MEF2D: variants seen among roughly 807,000 people sequenced by gnomAD.
MEF2D encodes myocyte-specific enhancer factor 2D.
A neutral mutation model predicts 59.3 loss-of-function variants in MEF2D; 10 were observed. The observed-to-expected ratio is 0.17, with a 90% CI of 0.10 to 0.29. MEF2D has a LOEUF of 0.29. Ranked by LOEUF, MEF2D falls within the 10% of genes least tolerant of loss-of-function variation. The probability of loss-of-function intolerance (pLI) is 1.00; values close to 1 mark genes in which losing one functional copy is unlikely to be tolerated. For synonymous variants in MEF2D, 305 were observed against 295.0 expected (o/e 1.03, Z -0.35); for missense variants, 508 against 699.4 (o/e 0.73, Z 3.09).
intron 7 of MEF2D, 148 bp downstream of exon 7, chr1:156,476,864 A>G (rs1338244829): frequency 3.2e-6 from 3 of 943,688 alleles, no homozygotes; most frequent in African/African-American, 3.3e-5. Flanking sequence ...GGGAAGAAAA[A>G]TCTCATAAAA....
At position 156,480,789 on chromosome 1, in the gene MEF2D, G is replaced by A. The variant is rs767931575; in HGVS notation, c.396+45C>T. ...TTCTTGTGCAGCGCCTGGGGGGAAGGGGCCGGAAGGGGGGGCCAACAGAGA... is the reference window on the plus strand; with the variant it reads ...TTCTTGTGCAGCGCCTGGGGGGAAGAGGCCGGAAGGGGGGGCCAACAGAGA... On this transcript the variant is annotated intron_variant, in intron 4 of 11. Coordinates refer to ENST00000348159, the MANE Select transcript of MEF2D (RefSeq NM_005920.4). The A allele has an allele frequency of 3.8e-6, 6 of 1,598,322 alleles. No individual in the cohort carries two copies. The Admixed American group carries it at 6.8e-5, about 18-fold the overall frequency.
In MEF2D at chr1:156,483,855, G is replaced by C. The variant is rs1448575716; in HGVS notation, c.-138-425C>G. On this transcript the variant is annotated intron_variant, in intron 1 of 11. Coordinates refer to ENST00000348159, the MANE Select transcript of MEF2D (RefSeq NM_005920.4). ...ACAACGCTGAGAGGACATCTGCCCA[G>C]TCAGTGAACAACAAGCATGGTATAC... is the stretch of plus-strand genomic sequence containing the variant. Among the ~76,000 whole-genome samples, 3 of 152,212 alleles carry C rather than the reference G, an allele frequency of 2.0e-5. No homozygotes were observed. In the East Asian group the frequency reaches 5.8e-4, roughly 29 times the overall value.
intron 1 of MEF2D, among the ~76,000 whole-genome samples, chr1:156,487,613 C>A (rs376454812): frequency 6.6e-6 from 1 of 152,218 alleles, no homozygotes; most frequent in African/African-American, 2.4e-5. Flanking sequence ...TAGGCAGGCA[C>A]AAAATACCCT....
intron 1 of MEF2D, 44 bp from the exon 2 acceptor site, chr1:156,483,474 C>T (rs1672156694): frequency 3.3e-6 from 2 of 615,212 alleles, no homozygotes; most frequent in South Asian, 3.8e-5. Context: ...CCCCAAAACC[C>T]CCAGCCCTGC....
chr1:156,480,791 G>C (rs1170915741), intron 4 of MEF2D, 43 bp downstream of exon 4: 1 of 1,597,184 alleles, frequency 6.3e-7, no homozygotes. Flanking sequence ...GGGGGAAGGG[G>C]CCGGAAGGGG....
chr1:156,500,276 C>T (rs950167093), intron 1 of MEF2D, among the ~76,000 whole-genome samples: 3 of 152,158 alleles, frequency 2.0e-5, no homozygotes, highest in Non-Finnish European at 2.9e-5. Flanking sequence ...TTGTCCCCCA[C>T]GACAGACTCC....
chr1:156,483,482 T>C (rs1672157160), intron 1 of MEF2D, 52 bp from the exon 2 acceptor site: 8 of 602,256 alleles, frequency 1.3e-5, no homozygotes, highest in Non-Finnish European at 5.9e-6. Context: ...CCCCCAGCCC[T>C]GCTCCCTGGG....
rs1201515664 is a variant in MEF2D at position 156,495,657 on chromosome 1, C to A, written c.-139+4829G>T. Among the ~76,000 whole-genome samples, 3 of 138,780 alleles carry A rather than the reference C, an allele frequency of 2.2e-5. No individual in the cohort carries two copies. The East Asian group carries it at 6.9e-4, about 32-fold the overall frequency. The allele number at this position is 138,780 out of a possible 152,430, so 91.0% of individuals were successfully genotyped here. ...CGAGCCTGGACAACAGAGCAAGATC[C>A]TACCTCAAAAAAAATTAAAAAGTTG... is the stretch of plus-strand genomic sequence containing the variant. On this transcript the variant is annotated intron_variant, in intron 1 of 11. Transcript: ENST00000348159.
chr1:156,468,048 G>T lies in MEF2D; in HGVS notation c.1499C>A (p.Ala500Asp). Residue 500 changes from alanine (A) to aspartate (D), a missense_variant, in exon 11 of 12, where the codon GCC (alanine) becomes GAC (aspartate). Transcript: ENST00000348159. The surrounding 1 kb of genome is among the most constrained non-coding windows in gnomAD (Gnocchi z 4.3). ...FGPTLGLLRP[A>D]PEPEAEGSAV... is the part of the protein sequence containing the mutation. ...TGAGCCCTCAGCCTCAGGCTCTGGG[G>T]CTGGGCGCAGCAGGCCCAGTGTGGG... The T allele has an allele frequency of 6.2e-7, 1 of 1,614,012 alleles. No homozygotes were observed. The highest frequency in any genetic ancestry group is 1.7e-5 in the Admixed American group (1 of 60,024).
chr1:156,498,352 C>T (rs1317488123), intron 1 of MEF2D, among the ~76,000 whole-genome samples: 1 of 152,090 alleles, frequency 6.6e-6, no homozygotes, highest in Non-Finnish European at 1.5e-5. Flanking sequence ...CTAGCCAATT[C>T]CCCATGCCCA....
chr1:156,490,267 C>G (rs2102225075), intron 1 of MEF2D, among the ~76,000 whole-genome samples: 1 of 152,228 alleles, frequency 6.6e-6, no homozygotes, highest in Admixed American at 6.5e-5. Flanking sequence ...CCCTCTGCCC[C>G]CTCTCTGTCC....
At chr1:156,480,420 C>T (rs1671920525) in intron 4 of MEF2D, among the ~76,000 whole-genome samples, 2 of 152,190 alleles carry the variant, frequency 1.3e-5, no homozygotes, top group Non-Finnish European at 2.9e-5. Flanking sequence ...CTACACACTT[C>T]TTGCTGGAGA....
intron 1 of MEF2D, among the ~76,000 whole-genome samples, chr1:156,483,939 C>A (rs1672181051): frequency 6.6e-6 from 1 of 152,218 alleles, no homozygotes; most frequent in Non-Finnish European, 1.5e-5. Flanking sequence ...CAGAGCAGGT[C>A]TAGAGCAGTG....
rs1671869094 is a variant in MEF2D at position 156,479,803 on chromosome 1, AG to A, written c.397-8del. The A allele has an allele frequency of 6.4e-7, 1 of 1,551,346 alleles. No individual in the cohort carries two copies. The highest frequency in any genetic ancestry group is 8.7e-7 in the Non-Finnish European group (1 of 1,146,856). On this transcript the variant is annotated splice_region_variant and splice_polypyrimidine_tract_variant and intron_variant, in intron 4 of 11. Transcript: ENST00000348159. ...TGGGGGCCGGGACAGTTGACTAGAC[AG>A]AAAGATGGAGGGGCAGGATCAGGCC... is the stretch of plus-strand genomic sequence containing the variant.
At position 156,480,927 on chromosome 1, in the gene MEF2D, G is replaced by C; in HGVS notation, c.303C>G (p.Pro101=). 3 of 1,612,014 alleles carry C rather than the reference G, an allele frequency of 1.9e-6. No homozygotes were observed. The highest frequency in any genetic ancestry group is 1.1e-5 in the South Asian group (1 of 91,006). The part of the protein sequence containing the change: ...KGFNGCDSPE[P]DGEDSLEQSP... Reference sequence around the variant, plus strand: ...TCTGTTCCAGCGAGTCCTCCCCGTCGGGCTCGGGGCTGTCGCAGCCGTTGA... The same window carrying C: ...TCTGTTCCAGCGAGTCCTCCCCGTCCGGCTCGGGGCTGTCGCAGCCGTTGA... The change falls in exon 4 of 12, where the codon CCC becomes CCG. Residue 101 remains proline (P), a synonymous_variant. Transcript: ENST00000348159.
At chr1:156,469,132 T>C (rs928181906) in intron 9 of MEF2D, 112 bp from the exon 10 acceptor site, 1 of 1,389,712 alleles carries the variant, frequency 7.2e-7, no homozygotes, top group Non-Finnish European at 9.6e-7. Context: ...GAGTGTGTAA[T>C]GACAGATGTA....
Position 156,483,327 on chromosome 1 carries a change from G to GGGCT in MEF2D, c.-39_-36dup. ...GGGTCCTCAGTGCTACGGAGGGGAG[G>GGGCT]GGCTCGCTGGGTGGTGGGTCTCGGC... On this transcript the variant is annotated 5_prime_UTR_variant, in exon 2 of 12. Coordinates refer to ENST00000348159, the MANE Select transcript of MEF2D (RefSeq NM_005920.4). 6.2e-7 allele frequency: 1 copy of GGGCT among 1,605,594 alleles called. No individual in the cohort carries two copies. The highest frequency in any genetic ancestry group is 8.5e-7 in the Non-Finnish European group (1 of 1,172,240).
At chr1:156,498,264 G>A (rs907964117) in intron 1 of MEF2D, among the ~76,000 whole-genome samples, 18 of 152,050 alleles carry the variant, frequency 1.2e-4, no homozygotes, top group African/African-American at 4.3e-4. Flanking sequence ...CACAGAGTGG[G>A]GTGGACACGG....
At chr1:156,480,173 G>A (rs753734208) in intron 4 of MEF2D, among the ~76,000 whole-genome samples, 2 of 152,162 alleles carry the variant, frequency 1.3e-5, no homozygotes, top group African/African-American at 4.8e-5. Flanking sequence ...GCTGTTAAAG[G>A]CTTGCACCAC....
Sources: gnomAD v4.1 joint callset for allele counts (sites outside exome capture counted in the v4.1 genomes callset) on GRCh38, gnomAD v4.1.1 for gene constraint, Gnocchi (gnomAD v3.1) non-coding constraint, MANE v1.5 for transcripts, NCBI Gene and HGNC (gene_info 2026-07-23, HGNC 2026-07-21) for gene names.